ATE1: variants seen among roughly 807,000 people sequenced by gnomAD.
The protein encoded by ATE1 is arginyltransferase 1.
In ATE1, 36 loss-of-function variants were observed where a neutral mutation model predicts 70.5. The ratio of observed to expected loss-of-function variants is 0.51; its 90% CI spans 0.39 to 0.67. The LOEUF (loss-of-function observed/expected upper bound fraction) is 0.67, where lower values mean the gene tolerates loss of function less well. ATE1 is among the 30% of genes least tolerant of loss of function. The pLI is 0.00. For missense variants in ATE1, 593 were observed against 629.5 expected, an observed-to-expected ratio of 0.94 and a Z score of 0.62; for synonymous variants, 232 against 219.3, an observed-to-expected ratio of 1.06 and a Z score of -0.51.
chr10:121,792,403 A>G lies in ATE1; in HGVS notation c.1258-2114T>C, dbSNP rs529810307. Reference sequence around the variant, plus strand: ...TTTTGTTCTATTCCAATAGGAGCAGATAACAGGGTGAAGACCAGAAGTCAG... The same window carrying G: ...TTTTGTTCTATTCCAATAGGAGCAGGTAACAGGGTGAAGACCAGAAGTCAG... On this transcript the variant is annotated intron_variant, in intron 10 of 11. Transcript: ENST00000224652. Among the ~76,000 whole-genome samples the G allele has an allele frequency of 6.8e-4, 104 of 152,292 alleles. 2 individuals carry two copies. In the Middle Eastern group the frequency reaches 0.01, roughly 15 times the overall value.
chr10:121,789,919 ACTAAT>A (rs1321102277), intron 11 of ATE1, among the ~76,000 whole-genome samples: 3 of 145,796 alleles, frequency 2.1e-5, no homozygotes, highest in Non-Finnish European at 4.5e-5. Flanking sequence ...GCATATAAAA[ACTAAT>A]CTAATGGGAG....
intron 1 of ATE1, among the ~76,000 whole-genome samples, chr10:121,926,180 G>A (rs1342236326): frequency 2.0e-5 from 3 of 152,178 alleles, no homozygotes; most frequent in Non-Finnish European, 2.9e-5. Context: ...CTGAACTCCA[G>A]CCTGGGCAAC....
intron 1 of ATE1, chr10:121,926,688 T>C (rs1021785635): frequency 5.1e-6 from 5 of 979,044 alleles, no homozygotes; most frequent in South Asian, 9.5e-5. Flanking sequence ...ACAAAAATTC[T>C]GAAAAAGAGA....
intron 1 of ATE1, among the ~76,000 whole-genome samples, chr10:121,925,668 G>A (rs1196067634): frequency 6.6e-6 from 1 of 151,886 alleles, no homozygotes; most frequent in East Asian, 1.9e-4. Flanking sequence ...GAGGTCAGGA[G>A]TTCAAGACCA....
intron 8 of ATE1, among the ~76,000 whole-genome samples, chr10:121,848,284 GTTCATTCATTCA>G (rs59186969): frequency 4.7e-5 from 7 of 150,186 alleles, no homozygotes; most frequent in East Asian, 2.0e-4. Flanking sequence ...TCTAATGTGC[GTTCATTCATTCA>G]TTCATTCATT....
chr10:121,836,459 T>C (rs1488543884), intron 10 of ATE1, among the ~76,000 whole-genome samples: 1 of 152,196 alleles, frequency 6.6e-6, no homozygotes, highest in African/African-American at 2.4e-5. Context: ...AAGAGTTTCA[T>C]TAACGAGAGT....
intron 11 of ATE1, among the ~76,000 whole-genome samples, chr10:121,746,256 G>A (rs934427183): frequency 6.6e-6 from 1 of 152,136 alleles, no homozygotes; most frequent in African/African-American, 2.4e-5. Flanking sequence ...ATAAAGTGCT[G>A]TGAGAAGAAA....
intron 8 of ATE1, among the ~76,000 whole-genome samples, chr10:121,848,315 CATTA>C (rs780611338): frequency 1.4e-5 from 2 of 144,658 alleles, no homozygotes; most frequent in Admixed American, 1.4e-4. Context: ...TTCATTCATT[CATTA>C]AAAAACTTAT....
chr10:121,885,383 C>T lies in ATE1; in HGVS notation c.942+14483G>A, dbSNP rs185015307. 5.9e-4 allele frequency among the ~76,000 whole-genome samples: 88 copies of T among 149,504 alleles called. No individual in the cohort carries two copies. The East Asian group carries it at 0.016, about 27-fold the overall frequency. ...AGGAGATCGAGACCATCCTGGCTAA[C>T]ACGGTGAAACTCCATCTCTACTAAA... is the stretch of plus-strand genomic sequence containing the variant. On this transcript the variant is annotated intron_variant, in intron 7 of 11. Transcript: ENST00000224652.
chr10:121,905,898 C>T (rs1951171521), intron 5 of ATE1, among the ~76,000 whole-genome samples: 2 of 151,896 alleles, frequency 1.3e-5, no homozygotes, highest in African/African-American at 4.8e-5. Flanking sequence ...TACAGATCTC[C>T]CAGGTCAATA....
chr10:121,875,015 C>CGGTGGCAGGCGCCT (rs369007088), intron 7 of ATE1, among the ~76,000 whole-genome samples: 11 of 146,350 alleles, frequency 7.5e-5, no homozygotes, highest in African/African-American at 2.5e-4. Context: ...TAGCCGGGCA[C>CGGTGGCAGGCGCCT]GTAGTCCCAG....
intron 10 of ATE1, among the ~76,000 whole-genome samples, chr10:121,810,437 A>AT (rs1947273206): frequency 6.6e-6 from 1 of 151,828 alleles, no homozygotes; most frequent in East Asian, 1.9e-4. Flanking sequence ...TGCCTGGCTA[A>AT]TTTTTTGTAT....
chr10:121,758,141 AT>A (rs142008099), intron 11 of ATE1, among the ~76,000 whole-genome samples: 1 of 152,168 alleles, frequency 6.6e-6, no homozygotes, highest in East Asian at 1.9e-4. Flanking sequence ...GTAGCTAATA[AT>A]TTTTTTAAAA....
chr10:121,907,938 C>T (rs150834763), intron 5 of ATE1, among the ~76,000 whole-genome samples: 74 of 152,018 alleles, frequency 4.9e-4, no homozygotes, highest in Middle Eastern at 6.8e-3. Flanking sequence ...ATACCAATTC[C>T]CACTAAAAGG....
At chr10:121,795,370 C>T (rs556021825) in intron 10 of ATE1, among the ~76,000 whole-genome samples, 35 of 152,264 alleles carry the variant, frequency 2.3e-4, no homozygotes, top group Non-Finnish European at 4.6e-4. Flanking sequence ...GCATGCCTCT[C>T]GATAATTCAC....
chr10:121,751,576 A>T (rs1944581193), intron 11 of ATE1, among the ~76,000 whole-genome samples: 1 of 152,226 alleles, frequency 6.6e-6, no homozygotes, highest in Non-Finnish European at 1.5e-5. Context: ...GATGCTGAGC[A>T]TCTTTTCATG....
chr10:121,895,128 C>T (rs1315381009), intron 7 of ATE1, among the ~76,000 whole-genome samples: 3 of 152,054 alleles, frequency 2.0e-5, no homozygotes, highest in Admixed American at 6.6e-5. Context: ...CATACACTTC[C>T]GGTGGGAATG....
At chr10:121,817,455 T>C (rs1484098759) in intron 10 of ATE1, among the ~76,000 whole-genome samples, 3 of 150,908 alleles carry the variant, frequency 2.0e-5, no homozygotes, top group Non-Finnish European at 4.4e-5. Flanking sequence ...AGGAGAACGG[T>C]GTGAACCCGG....
At chr10:121,857,387 G>A (rs1949286245) in intron 8 of ATE1, among the ~76,000 whole-genome samples, 1 of 152,144 alleles carries the variant, frequency 6.6e-6, no homozygotes, top group Non-Finnish European at 1.5e-5. Flanking sequence ...GTGTTGGTTT[G>A]CTTAGGATAA....
Sources: allele counts gnomAD v4.1 joint callset (sites outside exome capture counted in the v4.1 genomes callset), GRCh38; gene constraint gnomAD v4.1.1; transcripts MANE v1.5; gene names NCBI Gene and HGNC (gene_info 2026-07-23, HGNC 2026-07-21).